ICE2: variants seen among roughly 807,000 people sequenced by gnomAD.
ICE2 encodes the protein interactor of little elongation complex ELL subunit 2, also known as little elongation complex subunit 2.
In ICE2, 87 loss-of-function variants were observed where a neutral mutation model predicts 105.4. That is an observed-to-expected ratio of 0.83 (90% CI 0.69 to 0.99). The LOEUF is 0.99. Among genes scored for constraint, ICE2 ranks in the 50% least tolerant of loss-of-function variants. The pLI is 0.00. For synonymous variants in ICE2, 399 were observed against 392.0 expected, an observed-to-expected ratio of 1.02 and a Z score of -0.21; for missense variants, 1,323 against 1,146.7, an observed-to-expected ratio of 1.15 and a Z score of -2.22.
intron 5 of ICE2, among the ~76,000 whole-genome samples, chr15:60,457,857 T>C (rs1457139166): frequency 1.3e-5 from 2 of 152,212 alleles, no homozygotes; most frequent in African/African-American, 4.8e-5. Context: ...ATATCTTTGC[T>C]CCTTATTTGT....
intron 5 of ICE2, among the ~76,000 whole-genome samples, chr15:60,460,231 C>T (rs1029286624): frequency 6.6e-6 from 1 of 152,168 alleles, no homozygotes; most frequent in African/African-American, 2.4e-5. Flanking sequence ...CGGTGGCTCA[C>T]ACCTGTAATC....
chr15:60,428,769 A>C, intron 14 of ICE2, 82 bp from the exon 15 acceptor site: 1 of 1,427,102 alleles, frequency 7.0e-7, no homozygotes, highest in Admixed American at 2.2e-5. Context: ...TCTATTAGTA[A>C]AATTGAAAAT....
In ICE2 at chr15:60,469,336, G is replaced by T. The variant is rs375981888; in HGVS notation, c.147-1014C>A. ...GAGAACATTAGGAAAAATAGCTAAT[G>T]CATGCTGGGCTTAATACCTAGGTGA... On this transcript the variant is annotated intron_variant, in intron 3 of 15. Coordinates refer to ENST00000261520, the MANE Select transcript of ICE2 (RefSeq NM_024611.6). Among the ~76,000 whole-genome samples, 7 of 152,072 alleles carry T rather than the reference G, an allele frequency of 4.6e-5. No homozygotes were observed. In the East Asian group the frequency reaches 7.7e-4, roughly 17 times the overall value.
chr15:60,474,931 G>C (rs1267871963), intron 3 of ICE2, among the ~76,000 whole-genome samples: 1 of 151,968 alleles, frequency 6.6e-6, no homozygotes, highest in African/African-American at 2.4e-5. Context: ...GATCAACCGG[G>C]GCAACACAGC....
At chr15:60,430,407 C>G (rs1331211498) in intron 14 of ICE2, among the ~76,000 whole-genome samples, 1 of 151,296 alleles carries the variant, frequency 6.6e-6, no homozygotes, top group Admixed American at 6.6e-5. Flanking sequence ...AGACCTCTGA[C>G]TTGAGAACTG....
intron 5 of ICE2, among the ~76,000 whole-genome samples, chr15:60,462,858 A>C (rs149176581): frequency 2.7e-4 from 41 of 152,286 alleles, no homozygotes; most frequent in African/African-American, 8.7e-4. Context: ...ACCATTTGCA[A>C]ATCTACTCAA....
chr15:60,478,026 C>T lies in ICE2; in HGVS notation c.-49G>A. The T allele has an allele frequency of 1.3e-6, 2 of 1,566,632 alleles. No homozygotes were observed. The highest frequency in any genetic ancestry group is 4.5e-5 in the East Asian group (2 of 44,668). On this transcript the variant is annotated 5_prime_UTR_variant, in exon 2 of 16. Coordinates refer to ENST00000261520, the MANE Select transcript of ICE2 (RefSeq NM_024611.6). ...TAGCTCACAGTTCACAGCTGCCTGGCTGCGAAGGCTCCAAGAGGCAGGATC... is the reference window on the plus strand; with the variant it reads ...TAGCTCACAGTTCACAGCTGCCTGGTTGCGAAGGCTCCAAGAGGCAGGATC...
chr15:60,477,868 A>G lies in ICE2; in HGVS notation c.41+69T>C, dbSNP rs2064809718. The G allele has an allele frequency of 5.2e-6, 7 of 1,339,910 alleles. No individual in the cohort carries two copies. The South Asian group carries it at 7.0e-5, about 13-fold the overall frequency. 83.0% of individuals were successfully genotyped at this position (1,339,910 alleles called of 1,614,324 possible). A position where few individuals can be genotyped will look rare whatever the true frequency, so the allele number is the denominator to read the frequency against. On this transcript the variant is annotated intron_variant, in intron 2 of 15. Coordinates refer to ENST00000261520, the MANE Select transcript of ICE2 (RefSeq NM_024611.6). ...CCAAATCTCTCTATGCCAGAAATCT[A>G]TTTTCTTATGTCAACCATCAGCCCC...
At chr15:60,425,412 A>C (rs748428945) in intron 15 of ICE2, among the ~76,000 whole-genome samples, 1 of 152,250 alleles carries the variant, frequency 6.6e-6, no homozygotes, top group Non-Finnish European at 1.5e-5. Context: ...CCACTGCAAG[A>C]CTGTGTGTGT....
intron 12 of ICE2, chr15:60,437,904 C>T (rs993095972): frequency 6.6e-6 from 1 of 152,006 alleles, no homozygotes; most frequent in African/African-American, 2.4e-5. Context: ...TCAAGCAATC[C>T]ACCTGCCTTG....
At chr15:60,473,235 TGCCCA>T (rs1258154587) in intron 3 of ICE2, among the ~76,000 whole-genome samples, 3 of 151,950 alleles carry the variant, frequency 2.0e-5, no homozygotes, top group Non-Finnish European at 4.4e-5. Context: ...TGAGCTGCTG[TGCCCA>T]GCCAAGATTA....
At chr15:60,473,337 G>T (rs936905961) in intron 3 of ICE2, among the ~76,000 whole-genome samples, 1 of 152,084 alleles carries the variant, frequency 6.6e-6, no homozygotes, top group Non-Finnish European at 1.5e-5. Flanking sequence ...TGTTGCCCAG[G>T]CTGGAGTGCA....
chr15:60,436,852 G>A (rs28485831), intron 12 of ICE2, among the ~76,000 whole-genome samples: 43,750 of 151,480 alleles, frequency 0.29, 6,731 homozygotes, highest in Middle Eastern at 0.47. Flanking sequence ...TTTGAATTAT[G>A]TTGATAATTA....
At chr15:60,459,825 T>C (rs1173238190) in intron 5 of ICE2, among the ~76,000 whole-genome samples, 2 of 152,052 alleles carry the variant, frequency 1.3e-5, no homozygotes, top group Non-Finnish European at 2.9e-5. Context: ...AAAGTCGACA[T>C]GTAAATTCCA....
chr15:60,464,679 G>A (rs1320284756), intron 5 of ICE2, among the ~76,000 whole-genome samples: 2 of 152,124 alleles, frequency 1.3e-5, no homozygotes, highest in Non-Finnish European at 2.9e-5. Flanking sequence ...TAGAAAGTGA[G>A]GATGGGGGAT....
At chr15:60,437,677 A>T (rs189576861) in intron 12 of ICE2, 5 of 151,564 alleles carry the variant, frequency 3.3e-5, no homozygotes, top group African/African-American at 9.7e-5. Flanking sequence ...TTTAAGACAG[A>T]GTCTTGCTCT....
Position 60,455,106 on chromosome 15 carries a change from T to G in ICE2, c.840A>C (p.Ile280=). ...TAAATAATGACTGACTAGTTAGAGC[T>G]ATCTGAGGGTGATATCTGGAAACAA... ...EKLVSRYHPQ[I]ALTSQSLFTL... The change falls in exon 8 of 16, where the codon ATA becomes ATC. Residue 280 remains isoleucine, a synonymous_variant. Transcript: ENST00000261520. The G allele has an allele frequency of 6.3e-7, 1 of 1,597,786 alleles. No homozygotes were observed. The highest frequency in any genetic ancestry group is 8.5e-7 in the Non-Finnish European group (1 of 1,175,224).
intron 1 of ICE2, 84 bp downstream of exon 1, chr15:60,478,919 C>T (rs1435844758): frequency 4.4e-6 from 2 of 454,990 alleles, no homozygotes; most frequent in Non-Finnish European, 8.8e-6. Flanking sequence ...ATGTTCCCTC[C>T]TCCCGCCCCT....
chr15:60,431,202 G>A (rs564560146), intron 14 of ICE2, among the ~76,000 whole-genome samples: 4 of 151,066 alleles, frequency 2.6e-5, no homozygotes, highest in Non-Finnish European at 5.9e-5. Flanking sequence ...TTTTAATCTT[G>A]AAAGTGAAAA....
Sources: allele counts gnomAD v4.1 joint callset (sites outside exome capture counted in the v4.1 genomes callset), GRCh38; gene constraint gnomAD v4.1.1; transcripts MANE v1.5; gene names NCBI Gene and HGNC (gene_info 2026-07-23, HGNC 2026-07-21).